TMED5: variants seen among roughly 807,000 people sequenced by gnomAD.
TMED5 encodes the protein transmembrane p24 trafficking protein 5.
In TMED5, 27 loss-of-function variants were observed where a neutral mutation model predicts 23.0. The ratio of observed to expected loss-of-function variants is 1.17; its 90% confidence interval spans 0.86 to 1.62. The LOEUF (loss-of-function observed/expected upper bound fraction) is 1.62. TMED5 is among the 40% of genes most tolerant of loss of function. The pLI is 0.00. For synonymous variants in TMED5, 97 were observed against 100.8 expected, an observed-to-expected ratio of 0.96 and a Z score of 0.23; for missense variants, 248 against 273.7, an observed-to-expected ratio of 0.91 and a Z score of 0.66.
chr1:93,179,391 A>T (rs1340605007), intron 1 of TMED5, among the ~76,000 whole-genome samples: 2 of 151,530 alleles, frequency 1.3e-5, no homozygotes, highest in East Asian at 3.9e-4. Flanking sequence ...AAAAACAATG[A>T]CACGAGGGAA....
chr1:93,159,695 G>A (rs753950004), intron 2 of TMED5, among the ~76,000 whole-genome samples: 5 of 151,338 alleles, frequency 3.3e-5, no homozygotes, highest in South Asian at 2.1e-4. Flanking sequence ...AAAAATTTAC[G>A]TACACACAAA....
At chr1:93,163,046 C>G (rs1043525981) in intron 1 of TMED5, 2 of 152,062 alleles carry the variant, frequency 1.3e-5, no homozygotes, top group Non-Finnish European at 2.9e-5. Context: ...AGTCACTGCA[C>G]TCCAGCCTGG....
rs1410373417 is a variant in TMED5, at chr1:93,178,209, G to C, written c.189+1845C>G. On this transcript the variant is annotated intron_variant, in intron 1 of 3. Coordinates refer to ENST00000370282, the MANE Select transcript of TMED5 (RefSeq NM_016040.5). ...ATGACCCCAGCCTTCTGGCCTCTCC[G>C]ATGTCCTTTTCTGCTACTCCCACCC... Among the ~76,000 whole-genome samples, 4 of 152,118 alleles carry C rather than the reference G, an allele frequency of 2.6e-5. No homozygotes were observed. In the South Asian group the frequency reaches 6.2e-4, roughly 24 times the overall value.
At chr1:93,175,033 T>C (rs1157255148) in intron 1 of TMED5, among the ~76,000 whole-genome samples, 1 of 143,414 alleles carries the variant, frequency 7.0e-6, no homozygotes, top group Non-Finnish European at 1.5e-5. Context: ...AGACCCTATC[T>C]CTTAAAAAAA....
intron 1 of TMED5, among the ~76,000 whole-genome samples, chr1:93,174,137 G>C (rs769469456): frequency 1.3e-5 from 2 of 151,676 alleles, no homozygotes; most frequent in African/African-American, 2.4e-5. Flanking sequence ...TTTGTTTTTT[G>C]TTTTTTCTTT....
Position 93,160,218 on chromosome 1 carries a change from A to G in TMED5, c.198T>C (p.Asp66=). The G allele has an allele frequency of 1.9e-6, 3 of 1,605,908 alleles. No homozygotes were observed. Among genetic ancestry groups the G allele is most frequent in the Non-Finnish European group, 2.6e-6 (3 of 1,174,534 alleles). The change falls in exon 2 of 4, where the codon GAT becomes GAC. Residue 66 remains aspartate, a synonymous_variant. Coordinates refer to ENST00000370282, the MANE Select transcript of TMED5 (RefSeq NM_016040.5). ...ASLEIEYQVL[D]GAGLDIDFHL... ...GGAAATCAATATCTAATCCTGCTCC[A>G]TCTAAAACCTGTAGAAAAGCATACA...
At chr1:93,171,490 T>C (rs182694384) in intron 1 of TMED5, among the ~76,000 whole-genome samples, 29 of 152,150 alleles carry the variant, frequency 1.9e-4, no homozygotes, top group African/African-American at 6.8e-4. Flanking sequence ...TTGAAAGATA[T>C]AAAGTACCAA....
chr1:93,179,946 G>A (rs1649236335), intron 1 of TMED5, 108 bp downstream of exon 1: 2 of 1,249,302 alleles, frequency 1.6e-6, no homozygotes, highest in Admixed American at 2.7e-5. Flanking sequence ...AACGGCCCTC[G>A]CCTCTTCACC....
chr1:93,175,248 C>T (rs1265570731), intron 1 of TMED5, among the ~76,000 whole-genome samples: 1 of 141,220 alleles, frequency 7.1e-6, no homozygotes, highest in East Asian at 2.0e-4. Flanking sequence ...AGTATCTTGG[C>T]ACATGTTGTG....
At chr1:93,173,847 T>C (rs1447437236) in intron 1 of TMED5, among the ~76,000 whole-genome samples, 1 of 152,238 alleles carries the variant, frequency 6.6e-6, no homozygotes, top group Non-Finnish European at 1.5e-5. Context: ...AATAATCATA[T>C]GTGTTTCACC....
intron 1 of TMED5, among the ~76,000 whole-genome samples, chr1:93,167,612 C>A (rs116159911): frequency 0.015 from 2,305 of 152,266 alleles, 27 homozygotes; most frequent in Non-Finnish European, 0.023. Context: ...TTATATCCTG[C>A]AACTTCACTA....
At chr1:93,167,646 C>CT (rs1446361101) in intron 1 of TMED5, among the ~76,000 whole-genome samples, 9 of 152,052 alleles carry the variant, frequency 5.9e-5, no homozygotes, top group Non-Finnish European at 1.3e-4. Flanking sequence ...GTTCTAATAG[C>CT]TTTTTTTATG....
intron 2 of TMED5, among the ~76,000 whole-genome samples, chr1:93,157,465 C>G (rs931174960): frequency 6.6e-6 from 1 of 152,174 alleles, no homozygotes; most frequent in African/African-American, 2.4e-5. Flanking sequence ...TGCGGTGGCT[C>G]ATACCTACAA....
rs1382939447 is a variant in TMED5, at chr1:93,180,086, G to T, written c.157C>A (p.Pro53Thr). 1.1e-5 allele frequency: 17 copies of T among 1,613,590 alleles called. No homozygotes were observed. The highest frequency in any genetic ancestry group is 1.3e-5 in the Non-Finnish European group (15 of 1,179,754). ...TCGATCTCCAGCGAGGCCTTCAGGG[G>T]CATGGGCTGGTAGAAGCACTCCTTC... ...GQKECFYQPMPLKASLEIEYQ... is the reference protein window; with the variant it reads ...GQKECFYQPMTLKASLEIEYQ... Residue 53 changes from proline to threonine, a missense_variant, in exon 1 of 4, where the codon CCC becomes ACC. Pro to Thr is a conservative substitution (Grantham distance 38). Coordinates refer to ENST00000370282, the MANE Select transcript of TMED5 (RefSeq NM_016040.5).
chr1:93,159,579 CAA>C (rs1220821139), intron 2 of TMED5, among the ~76,000 whole-genome samples: 14 of 151,854 alleles, frequency 9.2e-5, no homozygotes, highest in Non-Finnish European at 4.4e-5. Context: ...ACTCTGAACT[CAA>C]AGAGTTATAA....
At position 93,180,322 on chromosome 1, in the gene TMED5, T is replaced by A. The variant is rs2101215247; in HGVS notation, c.-80A>T. On this transcript the variant is annotated 5_prime_UTR_variant, in exon 1 of 4. Coordinates refer to ENST00000370282, the MANE Select transcript of TMED5 (RefSeq NM_016040.5). ...CCGCGTTTCCTCTCTGGACTCCTCG[T>A]GGTTGACAGGGAAATCTGGAGTCTG... is the stretch of plus-strand genomic sequence containing the variant. 3 of 1,456,692 alleles carry A rather than the reference T, an allele frequency of 2.1e-6. No homozygotes were observed. In the East Asian group the frequency reaches 7.7e-5, roughly 37 times the overall value. The allele number at this position is 1,456,692 out of a possible 1,614,324, so 90.2% of individuals were successfully genotyped here. A position where few individuals can be genotyped will look rare whatever the true frequency, so the allele number is the denominator to read the frequency against.
intron 1 of TMED5, among the ~76,000 whole-genome samples, chr1:93,177,126 T>G (rs1028180028): frequency 1.3e-5 from 2 of 152,120 alleles, no homozygotes; most frequent in African/African-American, 4.8e-5. Flanking sequence ...CAAAAATTAG[T>G]AGGATGTAGT....
intron 1 of TMED5, among the ~76,000 whole-genome samples, chr1:93,168,739 G>A (rs754328815): frequency 3.9e-5 from 6 of 152,212 alleles, no homozygotes; most frequent in Admixed American, 6.5e-5. Flanking sequence ...GGAGGCTGAG[G>A]CAGGAGAATC....
At chr1:93,161,680 C>G (rs1355758907) in intron 1 of TMED5, 1 of 152,254 alleles carries the variant, frequency 6.6e-6, no homozygotes, top group African/African-American at 2.4e-5. Flanking sequence ...TGTATTACTA[C>G]AGATTGCACA....
Sources: allele counts gnomAD v4.1 joint callset (sites outside exome capture counted in the v4.1 genomes callset), GRCh38; gene constraint gnomAD v4.1.1; transcripts MANE v1.5; gene names NCBI Gene and HGNC (gene_info 2026-07-23, HGNC 2026-07-21).